Variants in RBFOX1 observed in about 807,000 individuals in gnomAD.
RBFOX1 encodes the protein RNA binding protein fox-1 homolog 1.
In RBFOX1, 8 loss-of-function variants were observed where a neutral mutation model predicts 57.7. The observed-to-expected ratio is 0.14, with a 90% CI of 0.08 to 0.25. The LOEUF is 0.25. Among genes scored for constraint, RBFOX1 ranks in the 10% least tolerant of loss-of-function variants. RBFOX1 has a pLI of 1.00. For synonymous variants in RBFOX1, 326 were observed against 222.4 expected (o/e 1.47, Z -4.15); for missense variants, 611 against 548.5 (o/e 1.11, Z -1.14).
At chr16:6,293,007 C>T (rs551361264) in intron 1 of RBFOX1, among the ~76,000 whole-genome samples, 41 of 152,306 alleles carry the variant, frequency 2.7e-4, no homozygotes, top group African/African-American at 9.4e-4. Context: ...TCCTTCCTGT[C>T]TTCATATCTT....
At chr16:5,392,470 G>A (rs1596815297) in intron 1 of RBFOX1, among the ~76,000 whole-genome samples, 1 of 151,712 alleles carries the variant, frequency 6.6e-6, no homozygotes, top group Admixed American at 6.6e-5. Flanking sequence ...ACATTTTAGG[G>A]GGTGTTACTC....
rs1223777317 is a variant in RBFOX1, at chr16:5,893,771, A to T, written c.351+26436A>T. ...CAGTGAGCCAAGATTGCGCCACTGCACTCCAGCCTGGGTGACAGAGCAAGA... is the reference window on the plus strand; with the variant it reads ...CAGTGAGCCAAGATTGCGCCACTGCTCTCCAGCCTGGGTGACAGAGCAAGA... On this transcript the variant is annotated intron_variant, in intron 4 of 19. Transcript: ENST00000641259. Among the ~76,000 whole-genome samples the T allele has an allele frequency of 2.0e-5, 3 of 151,302 alleles. 1 individual carries two copies. The highest frequency in any genetic ancestry group is 4.4e-5 in the Non-Finnish European group (3 of 67,920).
At chr16:6,806,817 A>AATATATATATATATATATATAT (rs1250190342) in intron 3 of RBFOX1, among the ~76,000 whole-genome samples, 3 of 85,118 alleles carry the variant, frequency 3.5e-5, no homozygotes, top group Non-Finnish European at 4.6e-5. Flanking sequence ...TAAATATATA[A>AATATATATATATATATATATAT]ATATATATAT....
intron 2 of RBFOX1, among the ~76,000 whole-genome samples, chr16:6,377,081 T>C (rs1356068678): frequency 6.6e-6 from 1 of 151,772 alleles, no homozygotes; most frequent in Non-Finnish European, 1.5e-5. Flanking sequence ...GATACCAGCC[T>C]GGGCAACATG....
chr16:7,495,931 T>C (rs932365860), intron 4 of RBFOX1, among the ~76,000 whole-genome samples: 2 of 152,216 alleles, frequency 1.3e-5, no homozygotes, highest in African/African-American at 2.4e-5. Flanking sequence ...CAGAATTTCA[T>C]TGAAGTTCCT....
At chr16:7,145,090 G>C (rs908442534) in intron 4 of RBFOX1, among the ~76,000 whole-genome samples, 2 of 152,228 alleles carry the variant, frequency 1.3e-5, no homozygotes, top group Admixed American at 1.3e-4. Flanking sequence ...TAGCTTGACA[G>C]TGATCCCTTT....
intron 3 of RBFOX1, among the ~76,000 whole-genome samples, chr16:6,798,725 A>T (rs1184781456): frequency 6.6e-6 from 1 of 152,184 alleles, no homozygotes; most frequent in Non-Finnish European, 1.5e-5. Context: ...TATACACCCA[A>T]GATAATGAAA....
At chr16:6,703,890 A>C (rs544004430) in intron 3 of RBFOX1, 4 of 152,184 alleles carry the variant, frequency 2.6e-5, no homozygotes, top group Non-Finnish European at 5.9e-5. Flanking sequence ...ACCTGAGGCT[A>C]CAGCAGACTC....
At chr16:7,296,721 C>A (rs1017725357) in intron 4 of RBFOX1, among the ~76,000 whole-genome samples, 1 of 152,136 alleles carries the variant, frequency 6.6e-6, no homozygotes, top group African/African-American at 2.4e-5. Context: ...GGCCATGCAA[C>A]CGTTTTCAGA....
intron 4 of RBFOX1, among the ~76,000 whole-genome samples, chr16:7,086,686 G>C (rs139302468): frequency 2.6e-5 from 3 of 116,872 alleles, no homozygotes; most frequent in Middle Eastern, 4.2e-3. Context: ...AATTTCCTAG[G>C]TCTGCGATTG....
chr16:7,103,571 C>G (rs2063069009), intron 4 of RBFOX1, among the ~76,000 whole-genome samples: 1 of 152,154 alleles, frequency 6.6e-6, no homozygotes, highest in Non-Finnish European at 1.5e-5. Flanking sequence ...GATTGATAAT[C>G]TACACACCAA....
intron 1 of RBFOX1, among the ~76,000 whole-genome samples, chr16:6,256,078 A>G (rs1195308139): frequency 6.7e-6 from 1 of 148,256 alleles, no homozygotes; most frequent in Non-Finnish European, 1.5e-5. Context: ...ATAAATGGAA[A>G]AAATGAAAGT....
At chr16:5,295,431 T>C (rs867931162) in intron 1 of RBFOX1, among the ~76,000 whole-genome samples, 3 of 152,232 alleles carry the variant, frequency 2.0e-5, no homozygotes, top group Non-Finnish European at 2.9e-5. Context: ...GTCAGGAATC[T>C]AGGCGTGACT....
At chr16:6,656,085 G>C (rs934772653) in intron 3 of RBFOX1, among the ~76,000 whole-genome samples, 1 of 152,156 alleles carries the variant, frequency 6.6e-6, no homozygotes, top group Non-Finnish European at 1.5e-5. Flanking sequence ...CCATGTGTTT[G>C]CATGCTGGTA....
chr16:6,481,624 G>A (rs1338769027), intron 2 of RBFOX1, among the ~76,000 whole-genome samples: 3 of 152,152 alleles, frequency 2.0e-5, no homozygotes, highest in Non-Finnish European at 2.9e-5. Flanking sequence ...CTGGATAAGC[G>A]AAAGTCTAAA....
chr16:5,898,596 G>A (rs1854209796), intron 4 of RBFOX1, among the ~76,000 whole-genome samples: 1 of 149,590 alleles, frequency 6.7e-6, no homozygotes. Flanking sequence ...AGATTCTATT[G>A]TCAAGTCTGT....
chr16:7,647,647 T>C (rs139941365), intron 11 of RBFOX1, among the ~76,000 whole-genome samples: 10 of 152,312 alleles, frequency 6.6e-5, no homozygotes, highest in African/African-American at 2.4e-4. Flanking sequence ...CAAAGAGGCA[T>C]TTACAAATAC....
At chr16:6,779,339 A>G (rs1248708604) in intron 3 of RBFOX1, among the ~76,000 whole-genome samples, 2 of 152,052 alleles carry the variant, frequency 1.3e-5, no homozygotes, top group South Asian at 2.1e-4. Flanking sequence ...GTTTGAAATG[A>G]CAGGATGTCA....
At chr16:7,644,400 T>G (rs1178412230) in intron 11 of RBFOX1, among the ~76,000 whole-genome samples, 1 of 152,234 alleles carries the variant, frequency 6.6e-6, no homozygotes, top group Non-Finnish European at 1.5e-5. Context: ...TTTTGCCAAC[T>G]GCAATCACAT....
Sources: allele counts gnomAD v4.1 joint callset (sites outside exome capture counted in the v4.1 genomes callset), GRCh38; gene constraint gnomAD v4.1.1; transcripts MANE v1.5; gene names NCBI Gene and HGNC (gene_info 2026-07-23, HGNC 2026-07-21).